Variants in TMEM181 observed in about 807,000 individuals in gnomAD.
TMEM181 encodes the protein transmembrane protein 181, also known as G protein-coupled receptor 178.
TMEM181 carries 39 observed loss-of-function variants against 71.9 expected under a neutral mutation model. That is an observed-to-expected ratio of 0.54 (90% CI 0.42 to 0.71). The LOEUF (loss-of-function observed/expected upper bound fraction) is 0.71. TMEM181 is among the 30% of genes least tolerant of loss of function. The probability of loss-of-function intolerance (pLI) is 0.00; values close to 1 mark genes in which losing one functional copy is unlikely to be tolerated. For missense variants in TMEM181, 595 were observed against 583.0 expected, an observed-to-expected ratio of 1.02 and a Z score of -0.21; for synonymous variants, 245 against 228.8, an observed-to-expected ratio of 1.07 and a Z score of -0.64.
At chr6:158,609,021 C>T (rs1379924487) in intron 10 of TMEM181, among the ~76,000 whole-genome samples, 1 of 151,680 alleles carries the variant, frequency 6.6e-6, no homozygotes, top group Non-Finnish European at 1.5e-5. Flanking sequence ...TCGCTTGAGC[C>T]TGCGAGGCAC....
intron 2 of TMEM181, among the ~76,000 whole-genome samples, chr6:158,579,439 C>T (rs925863468): frequency 2.7e-5 from 4 of 149,794 alleles, no homozygotes; most frequent in South Asian, 2.1e-4. Context: ...TAAGGAAGTT[C>T]GGCCGGGCGC....
At chr6:158,571,472 G>T (rs1182710898) in intron 1 of TMEM181, among the ~76,000 whole-genome samples, 3 of 133,962 alleles carry the variant, frequency 2.2e-5, no homozygotes, top group Admixed American at 7.4e-5. Flanking sequence ...GCTAATTTTT[G>T]TATTTTTAGT....
chr6:158,625,302 T>G, intron 12 of TMEM181, 96 bp downstream of exon 12: 3 of 1,086,540 alleles, frequency 2.8e-6, no homozygotes, highest in Non-Finnish European at 4.2e-6. Context: ...GGGCCTTCCT[T>G]GAGGGCCCAG....
intron 1 of TMEM181, among the ~76,000 whole-genome samples, chr6:158,549,331 G>A (rs1781645227): frequency 6.6e-6 from 1 of 152,110 alleles, no homozygotes; most frequent in African/African-American, 2.4e-5. Flanking sequence ...GGCCAGGCTG[G>A]TCTCGAACTC....
intron 5 of TMEM181, 106 bp from the exon 6 acceptor site, chr6:158,589,566 C>A: frequency 2.5e-6 from 2 of 796,554 alleles, no homozygotes; most frequent in African/African-American, 1.7e-5. Context: ...TCCCTGGAGA[C>A]AATGAGTTCT....
Position 158,620,097 on chromosome 6 carries a change from A to T in TMEM181, c.897-3453A>T, listed in dbSNP as rs200073028. 6.6e-6 allele frequency among the ~76,000 whole-genome samples: 1 copy of T among 152,022 alleles called. No homozygotes were observed. The highest frequency in any genetic ancestry group is 1.5e-5 in the Non-Finnish European group (1 of 67,994). ...GCCATATTGCAATAAAAAACTAAAC[A>T]CTTTGGCTTTAGGAGTCCCTGTGAG... On this transcript the variant is annotated intron_variant, in intron 10 of 16. Transcript: ENST00000684151. This position sits in a 1 kb window ranked among gnomAD's most constrained non-coding sequence, Gnocchi z 4.5.
At chr6:158,600,766 C>T (rs541786384) in intron 6 of TMEM181, among the ~76,000 whole-genome samples, 10 of 152,068 alleles carry the variant, frequency 6.6e-5, no homozygotes, top group Admixed American at 5.2e-4. Flanking sequence ...CCACCGCACC[C>T]GGCCCTAGTG....
intron 4 of TMEM181, 53 bp downstream of exon 4, chr6:158,584,097 A>T: frequency 6.9e-7 from 1 of 1,455,064 alleles, no homozygotes. Context: ...GAAACATCGT[A>T]TTTTAGATGT....
chr6:158,560,231 C>G lies in TMEM181; in HGVS notation c.7C>G (p.Pro3Ala). ME[P>A]LAPMRLYTLS... ...GAGGGCTCTGGGCGCCGAGATGGAGCCGTGAGTCCCCGGCCGAGCGGGCGG... is the reference window on the plus strand; with the variant it reads ...GAGGGCTCTGGGCGCCGAGATGGAGGCGTGAGTCCCCGGCCGAGCGGGCGG... The change falls in exon 1 of 17, where the codon CCG (proline) becomes GCG (alanine). Residue 3 changes from proline (P) to alanine (A), a missense_variant and splice_region_variant. Transcript: ENST00000684151. 1 of 984,990 alleles carries G rather than the reference C, an allele frequency of 1.0e-6. No individual in the cohort carries two copies. The highest frequency in any genetic ancestry group is 1.2e-6 in the Non-Finnish European group (1 of 829,806). The allele number at this position is 984,990 out of a possible 1,614,324, so 61.0% of individuals were successfully genotyped here.
chr6:158,553,022 G>T (rs935253885), intron 1 of TMEM181, among the ~76,000 whole-genome samples: 2 of 151,876 alleles, frequency 1.3e-5, no homozygotes, highest in African/African-American at 4.8e-5. Flanking sequence ...CCCCAGTCCT[G>T]CAAAACAATT....
intron 1 of TMEM181, among the ~76,000 whole-genome samples, chr6:158,564,321 C>T (rs1327979401): frequency 6.6e-6 from 1 of 152,218 alleles, no homozygotes; most frequent in Non-Finnish European, 1.5e-5. Flanking sequence ...CCCACCTCCA[C>T]ACCCTGCTGC....
intron 1 of TMEM181, among the ~76,000 whole-genome samples, chr6:158,548,602 C>T (rs1241511944): frequency 6.6e-6 from 1 of 152,192 alleles, no homozygotes. Flanking sequence ...CCTCCAGCTC[C>T]CTTCCTTTGT....
At chr6:158,631,781 G>A in intron 16 of TMEM181, 29 bp from the exon 17 acceptor site, 1 of 1,576,110 alleles carries the variant, frequency 6.3e-7, no homozygotes, top group South Asian at 1.2e-5. Context: ...TCAGAAGTTA[G>A]ACGGTCTCAA....
chr6:158,541,424 CAAAAAAA>C lies in TMEM181; in HGVS notation c.131+4560_131+4566del, dbSNP rs775786721. On this transcript the variant is annotated intron_variant, in intron 1 of 16. Transcript: ENST00000367090. ...AAGAGCGAGACTCCATCTCAAAAAA[CAAAAAAA>C]CAAAAAACAAAAAACAAAAGAATTA... is the stretch of plus-strand genomic sequence containing the variant. 2.7e-4 allele frequency among the ~76,000 whole-genome samples: 33 copies of C among 121,902 alleles called. No individual in the cohort carries two copies. In the South Asian group the frequency reaches 4.0e-3, roughly 15 times the overall value. 80.0% of individuals were successfully genotyped at this position (121,902 alleles called of 152,430 possible).
At chr6:158,573,338 G>T (rs191399936) in intron 1 of TMEM181, 82 bp from the exon 2 acceptor site, 2 of 977,578 alleles carry the variant, frequency 2.0e-6, no homozygotes, top group African/African-American at 3.2e-5. Context: ...GTCGTGTGGG[G>T]AGGGGTGTTG....
intron 10 of TMEM181, among the ~76,000 whole-genome samples, chr6:158,611,979 C>CCCG (rs1554228508): frequency 5.2e-4 from 52 of 99,254 alleles, no homozygotes; most frequent in Middle Eastern, 8.3e-3. Context: ...CAGGGATACC[C>CCCG]CCCCCACCTC....
At chr6:158,543,284 G>A (rs1218127355) in intron 1 of TMEM181, among the ~76,000 whole-genome samples, 1 of 152,178 alleles carries the variant, frequency 6.6e-6, no homozygotes, top group Non-Finnish European at 1.5e-5. Context: ...GTTCTTCCTG[G>A]TCATCATCCG....
In TMEM181 at chr6:158,584,054, T is replaced by G. The variant is rs1398063550; in HGVS notation, c.259+10T>G. 6.3e-7 allele frequency: 1 copy of G among 1,582,472 alleles called. No homozygotes were observed. The highest frequency in any genetic ancestry group is 2.2e-5 in the East Asian group (1 of 44,516). ...TTGGATCAATCAAAAGGTATGGAGC[T>G]TGACATTTTGGAATGATTTTTCATT... On this transcript the variant is annotated intron_variant, in intron 4 of 16. Transcript: ENST00000684151.
rs1170549159 is a variant in TMEM181, at chr6:158,560,243, G to C, written c.8+11G>C. On this transcript the variant is annotated intron_variant, in intron 1 of 16. Coordinates refer to ENST00000684151, the MANE Select transcript of TMEM181 (RefSeq NM_001376852.1). The stretch of plus-strand genomic sequence containing the variant: ...CGCCGAGATGGAGCCGTGAGTCCCC[G>C]GCCGAGCGGGCGGGCTGGCTGGCTC... The C allele has an allele frequency of 2.0e-6, 2 of 985,076 alleles. No individual in the cohort carries two copies. The highest frequency in any genetic ancestry group is 2.3e-4 in the East Asian group (2 of 8,778). 61.0% of individuals were successfully genotyped at this position (985,076 alleles called of 1,614,324 possible).
Sources: gnomAD v4.1 joint callset for allele counts (sites outside exome capture counted in the v4.1 genomes callset) on GRCh38, gnomAD v4.1.1 for gene constraint, Gnocchi (gnomAD v3.1) non-coding constraint, MANE v1.5 for transcripts, NCBI Gene and HGNC (gene_info 2026-07-23, HGNC 2026-07-21) for gene names.